The following TEX14 variants were observed in gnomAD, a reference collection of about 807,000 sequenced individuals.
TEX14 encodes inactive serine/threonine-protein kinase TEX14.
TEX14 carries 168 observed loss-of-function variants against 178.6 expected under a neutral mutation model. The ratio of observed to expected loss-of-function variants is 0.94; its 90% CI spans 0.83 to 1.07. The LOEUF (loss-of-function observed/expected upper bound fraction) is 1.07, where lower values mean the gene tolerates loss of function less well. Among genes scored for constraint, TEX14 ranks in the 50% least tolerant of loss-of-function variants. The pLI, the probability that TEX14 is intolerant of heterozygous loss-of-function variation, is 0.00. For synonymous variants in TEX14, 626 were observed against 634.1 expected, an observed-to-expected ratio of 0.99 and a Z score of 0.19; for missense variants, 1,730 against 1,753.6, an observed-to-expected ratio of 0.99 and a Z score of 0.24.
Position 58,613,531 on chromosome 17 carries a change from G to C in TEX14, c.895C>G (p.Pro299Ala), listed in dbSNP as rs777030049. ...ACAGCCATCAACTGTAGCAAGTAGGGGTGCCGCAGCTTGCTGCAAAAGAAA... is the reference window on the plus strand; with the variant it reads ...ACAGCCATCAACTGTAGCAAGTAGGCGTGCCGCAGCTTGCTGCAAAAGAAA... ...EQEHSSKLRH[P>A]YLLQLMAVCL... is the part of the protein sequence containing the mutation. The change falls in exon 9 of 32, where the codon CCC becomes GCC. Residue 299 changes from proline to alanine, a missense_variant. Around this residue, in one of 2 missense-constraint regions of TEX14, gnomAD observed 789 missense variants for 681.2 expected, o/e 1.16. Coordinates refer to ENST00000349033, the MANE Select transcript of TEX14 (RefSeq NM_031272.5). 1.2e-6 allele frequency: 2 copies of C among 1,613,908 alleles called. No individual in the cohort carries two copies. The highest frequency in any genetic ancestry group is 2.2e-5 in the South Asian group (2 of 90,960).
chr17:58,601,079 T>A (rs1243107902), intron 13 of TEX14, among the ~76,000 whole-genome samples: 5 of 151,270 alleles, frequency 3.3e-5, no homozygotes, highest in African/African-American at 7.3e-5. Flanking sequence ...TGAGACCTCA[T>A]CTCTAAAAAA....
chr17:58,579,041 G>GT (rs2044748342), intron 20 of TEX14, among the ~76,000 whole-genome samples: 6 of 152,346 alleles, frequency 3.9e-5, no homozygotes, highest in Admixed American at 3.9e-4. Context: ...AAAGCCAACA[G>GT]TTAACTTATA....
chr17:58,691,781 C>G (rs2047734649), intron 1 of TEX14, among the ~76,000 whole-genome samples, 158 bp downstream of exon 1: 1 of 151,908 alleles, frequency 6.6e-6, no homozygotes, highest in Admixed American at 6.6e-5. Context: ...AACTGCTTGC[C>G]TTCCTCCCCG....
intron 11 of TEX14, among the ~76,000 whole-genome samples, chr17:58,603,931 GT>G (rs2045541549): frequency 7.2e-6 from 1 of 138,762 alleles, no homozygotes; most frequent in Non-Finnish European, 1.6e-5. Context: ...GTGTGTGTGT[GT>G]GTGTGTGTGT....
chr17:58,581,650 A>G (rs1456337295), intron 19 of TEX14: 2 of 1,613,836 alleles, frequency 1.2e-6, no homozygotes, highest in African/African-American at 1.3e-5. Flanking sequence ...AGGAGTAAAA[A>G]TATTCACCGT....
intron 2 of TEX14, chr17:58,631,735 G>C (rs562883648): frequency 2.1e-5 from 3 of 144,684 alleles, no homozygotes; most frequent in Admixed American, 6.9e-5. Context: ...CCACTCGTGA[G>C]AGAACACAAA....
At chr17:58,602,096 T>A in intron 12 of TEX14, 140 bp from the exon 13 acceptor site, 3 of 850,020 alleles carry the variant, frequency 3.5e-6, no homozygotes, top group Non-Finnish European at 5.5e-6. Context: ...TTAACTAGTT[T>A]ATTGTTATTG....
intron 2 of TEX14, among the ~76,000 whole-genome samples, chr17:58,635,132 C>CA (rs71143260): frequency 0.49 from 70,946 of 144,004 alleles, 17,489 homozygotes; most frequent in Middle Eastern, 0.57. Flanking sequence ...AACTCTGTCT[C>CA]AAAAAAAAAA....
At chr17:58,683,829 G>A (rs1012970550) in intron 1 of TEX14, among the ~76,000 whole-genome samples, 1 of 151,542 alleles carries the variant, frequency 6.6e-6, no homozygotes. Flanking sequence ...CACTTTGGGA[G>A]GCTGAGGCGG....
At chr17:58,690,126 TATAG>T (rs1412721450) in intron 1 of TEX14, among the ~76,000 whole-genome samples, 7 of 151,904 alleles carry the variant, frequency 4.6e-5, no homozygotes, top group Middle Eastern at 6.8e-3. Flanking sequence ...ATTATACAGC[TATAG>T]ATAGAGTTGA....
intron 1 of TEX14, among the ~76,000 whole-genome samples, chr17:58,674,472 C>T (rs1333925768): frequency 3.3e-5 from 5 of 152,034 alleles, no homozygotes; most frequent in Non-Finnish European, 7.4e-5. Context: ...GAGTTCACAA[C>T]CAGCCTGGCC....
intron 1 of TEX14, among the ~76,000 whole-genome samples, chr17:58,681,522 A>C (rs1191657675): frequency 6.6e-6 from 1 of 152,086 alleles, no homozygotes; most frequent in Non-Finnish European, 1.5e-5. Flanking sequence ...TAAATTGTCA[A>C]CATTTTGTTT....
chr17:58,641,369 A>G (rs2046570888), intron 2 of TEX14, among the ~76,000 whole-genome samples: 1 of 152,048 alleles, frequency 6.6e-6, no homozygotes, highest in Non-Finnish European at 1.5e-5. Context: ...AAGATTGGCC[A>G]CTGCACTCCA....
chr17:58,564,923 T>G lies in TEX14; in HGVS notation c.4010A>C (p.Asp1337Ala). 1 of 1,610,582 alleles carries G rather than the reference T, an allele frequency of 6.2e-7. No homozygotes were observed. The highest frequency in any genetic ancestry group is 8.5e-7 in the Non-Finnish European group (1 of 1,178,328). ...EEQETDSKKE[D>A]SSMLLSKETE... The stretch of plus-strand genomic sequence containing the variant: ...TTCTTTGGACAAAAGCATACTACTA[T>G]CTTCTTTTTTACTGTCAGTTTCTTG... The change falls in exon 28 of 32, where the codon GAT (aspartate) becomes GCT (alanine). Residue 1337 changes from aspartate to alanine, a missense_variant. Physicochemically the swap from Asp to Ala is moderately radical, Grantham distance 126. Coordinates refer to ENST00000349033, the MANE Select transcript of TEX14 (RefSeq NM_031272.5).
chr17:58,561,807 CG>C lies in TEX14; in HGVS notation c.4065-196del, dbSNP rs566520591. On this transcript the variant is annotated intron_variant, in intron 28 of 31. Coordinates refer to ENST00000349033, the MANE Select transcript of TEX14 (RefSeq NM_031272.5). The stretch of plus-strand genomic sequence containing the variant: ...AGATCTGACTGAAATATGCACTGGT[CG>C]GGTGTGGTGGCTCACATCTGTAATC... Among the ~76,000 whole-genome samples, 157 of 152,270 alleles carry C rather than the reference CG, an allele frequency of 1.0e-3. 2 individuals carry two copies. Among genetic ancestry groups the C allele is most frequent in the Admixed American group, 2.1e-3 (32 of 15,292 alleles).
intron 1 of TEX14, among the ~76,000 whole-genome samples, chr17:58,667,742 G>A (rs1215387804): frequency 2.6e-5 from 4 of 151,888 alleles, no homozygotes; most frequent in African/African-American, 4.8e-5. Context: ...AAAATTAGCC[G>A]GGCATGGTGG....
In TEX14 at chr17:58,593,653, A is replaced by T; in HGVS notation, c.2478T>A (p.Thr826=). The T allele has an allele frequency of 6.2e-7, 1 of 1,614,038 alleles. No homozygotes were observed. The highest frequency in any genetic ancestry group is 2.2e-5 in the East Asian group (1 of 44,876). The change falls in exon 15 of 32, where the codon ACT becomes ACA. Residue 826 remains threonine (T), a synonymous_variant. Coordinates refer to ENST00000349033, the MANE Select transcript of TEX14 (RefSeq NM_031272.5). ...TGTTCTGTTTTCCAGGGTCACAAAG[A>T]GTCGGCAGCTTAAAAAGCAATAAAC... is the stretch of plus-strand genomic sequence containing the variant. ...TLPRFPRMLP[T]LCDPGKQNTD...
At chr17:58,688,596 C>A (rs1188263581) in intron 1 of TEX14, among the ~76,000 whole-genome samples, 1 of 152,092 alleles carries the variant, frequency 6.6e-6, no homozygotes, top group Non-Finnish European at 1.5e-5. Flanking sequence ...TTAATTTAAT[C>A]TTGACCAAAA....
At chr17:58,633,496 A>G (rs1188200972) in intron 2 of TEX14, among the ~76,000 whole-genome samples, 2 of 152,322 alleles carry the variant, frequency 1.3e-5, no homozygotes, top group East Asian at 3.9e-4. Flanking sequence ...CCCAAACAGC[A>G]GAGGGTTAAA....
Sources: gnomAD v4.1 joint callset for allele counts (sites outside exome capture counted in the v4.1 genomes callset) on GRCh38, gnomAD v4.1.1 for gene constraint, gnomAD v4.1.1 regional missense constraint, MANE v1.5 for transcripts, NCBI Gene and HGNC (gene_info 2026-07-23, HGNC 2026-07-21) for gene names.